ROBO1: variants seen among roughly 807,000 people sequenced by gnomAD.
The protein encoded by ROBO1 is roundabout homolog 1.
ROBO1 carries 149 observed loss-of-function variants against 195.9 expected under a neutral mutation model. That is an observed-to-expected ratio of 0.76 (90% confidence interval 0.67 to 0.87). ROBO1 has a LOEUF of 0.87. ROBO1 is among the 40% of genes least tolerant of loss of function. The pLI, the probability that ROBO1 is intolerant of heterozygous loss-of-function variation, is 0.00. For synonymous variants in ROBO1, 816 were observed against 733.2 expected, an observed-to-expected ratio of 1.11 and a Z score of -1.82; for missense variants, 1,933 against 2,068.3, an observed-to-expected ratio of 0.93 and a Z score of 1.27.
At chr3:79,581,289 A>G (rs1037334747) in intron 2 of ROBO1, among the ~76,000 whole-genome samples, 1 of 152,136 alleles carries the variant, frequency 6.6e-6, no homozygotes, top group Admixed American at 6.6e-5. Context: ...ATACCCGTCC[A>G]TATGAGGCAC....
intron 2 of ROBO1, among the ~76,000 whole-genome samples, chr3:79,332,925 G>C (rs2034504817): frequency 1.3e-5 from 2 of 152,146 alleles, no homozygotes; most frequent in Admixed American, 6.5e-5. Flanking sequence ...AATATGGCCA[G>C]GTGTGGTGGC....
intron 2 of ROBO1, among the ~76,000 whole-genome samples, chr3:79,569,147 C>A (rs972085235): frequency 6.6e-6 from 1 of 151,778 alleles, no homozygotes. Flanking sequence ...CACACACACA[C>A]GCACGATTTG....
intron 4 of ROBO1, among the ~76,000 whole-genome samples, chr3:78,778,714 G>A (rs377058027): frequency 1.2e-4 from 19 of 152,068 alleles, no homozygotes; most frequent in African/African-American, 3.4e-4. Context: ...TAGATTCAAC[G>A]GTATTCCCAT....
At chr3:79,323,162 A>T (rs1402803791) in intron 2 of ROBO1, among the ~76,000 whole-genome samples, 2 of 151,842 alleles carry the variant, frequency 1.3e-5, no homozygotes, top group Non-Finnish European at 2.9e-5. Flanking sequence ...GCTCACTGCA[A>T]CCTCTGCCTC....
intron 2 of ROBO1, among the ~76,000 whole-genome samples, chr3:79,546,334 G>A (rs1942263288): frequency 6.6e-6 from 1 of 152,074 alleles, no homozygotes; most frequent in African/African-American, 2.4e-5. Context: ...GGAGTCAAAT[G>A]TTATATGCAG....
intron 4 of ROBO1, among the ~76,000 whole-genome samples, chr3:78,930,034 C>A (rs558015907): frequency 1.2e-4 from 19 of 152,186 alleles, no homozygotes; most frequent in African/African-American, 4.6e-4. Context: ...CTTAAATATT[C>A]CAGAACGAAA....
At chr3:79,325,986 A>G (rs1317226640) in intron 2 of ROBO1, among the ~76,000 whole-genome samples, 1 of 152,120 alleles carries the variant, frequency 6.6e-6, no homozygotes, top group Non-Finnish European at 1.5e-5. Context: ...GGGTGGGTCT[A>G]TAGATGGCCC....
chr3:78,636,827 G>GAAATAAT (rs1227637857), intron 22 of ROBO1, among the ~76,000 whole-genome samples: 1 of 150,362 alleles, frequency 6.7e-6, no homozygotes, highest in Non-Finnish European at 1.5e-5. Context: ...AAATAAGCCT[G>GAAATAAT]AAATAATACT....
Position 79,153,963 on chromosome 3 carries a change from A to T in ROBO1, c.89-28424T>A, listed in dbSNP as rs113004135. ...ATAACCAAGTATCTGCTCCTTAGTGAGGCTGTCGCTAAATACCCACTCTTA... is the reference window on the plus strand; with the variant it reads ...ATAACCAAGTATCTGCTCCTTAGTGTGGCTGTCGCTAAATACCCACTCTTA... On this transcript the variant is annotated intron_variant, in intron 2 of 30. Transcript: ENST00000464233. 2.2e-3 allele frequency among the ~76,000 whole-genome samples: 338 copies of T among 151,650 alleles called. 2 individuals are homozygous for T. Among genetic ancestry groups the T allele is most frequent in the African/African-American group, 7.7e-3 (320 of 41,438 alleles).
intron 2 of ROBO1, among the ~76,000 whole-genome samples, chr3:79,309,658 G>T (rs2033389986): frequency 6.6e-6 from 1 of 151,990 alleles, no homozygotes; most frequent in Non-Finnish European, 1.5e-5. Context: ...CATGAATAAA[G>T]AGGGCCTAAT....
intron 4 of ROBO1, among the ~76,000 whole-genome samples, chr3:78,768,603 T>TAG (rs1236102947): frequency 1.3e-5 from 2 of 152,070 alleles, no homozygotes; most frequent in Admixed American, 1.3e-4. Flanking sequence ...TCAATATACA[T>TAG]AGACATGTAC....
At chr3:78,628,646 C>G (rs1222744094) in intron 25 of ROBO1, among the ~76,000 whole-genome samples, 1 of 152,200 alleles carries the variant, frequency 6.6e-6, no homozygotes, top group Non-Finnish European at 1.5e-5. Context: ...AAAGTTGATG[C>G]TCAAATAATA....
chr3:78,848,469 G>C (rs1490263909), intron 4 of ROBO1, among the ~76,000 whole-genome samples: 1 of 152,132 alleles, frequency 6.6e-6, no homozygotes, highest in Non-Finnish European at 1.5e-5. Context: ...GCACAGTAAA[G>C]GGGTAAGAAA....
intron 1 of ROBO1, among the ~76,000 whole-genome samples, chr3:79,735,851 A>T (rs892531174): frequency 1.4e-5 from 2 of 147,962 alleles, no homozygotes; most frequent in Admixed American, 1.4e-4. Context: ...AGCCTGGGCG[A>T]CAGAGAGAGA....
In ROBO1 at chr3:78,597,923, A is replaced by AAAG. The variant is rs1315999468; in HGVS notation, c.*987_*989dup. The AAAG allele has an allele frequency of 1.3e-5, 2 of 150,654 alleles. No homozygotes were observed. The highest frequency in any genetic ancestry group is 3.9e-4 in the East Asian group (2 of 5,102). The allele number at this position is 150,654 out of a possible 1,614,324, so 9.3% of individuals were successfully genotyped here. ...TTAATAGTTACAATGGTTTACAAAT[A>AAAG]AAGTTTAGTGATTGTGCTTTTAAAA... On this transcript the variant is annotated 3_prime_UTR_variant, in exon 31 of 31. Transcript: ENST00000464233.
intron 4 of ROBO1, among the ~76,000 whole-genome samples, chr3:78,807,205 G>T (rs1360407617): frequency 6.6e-6 from 1 of 152,128 alleles, no homozygotes; most frequent in East Asian, 1.9e-4. Flanking sequence ...GTAGGATCAA[G>T]AATTCTGTAA....
At chr3:78,810,654 G>GGAAAAAAAAAAAGTAATTTTTTTTAC in intron 4 of ROBO1, among the ~76,000 whole-genome samples, 1 of 151,154 alleles carries the variant, frequency 6.6e-6, no homozygotes, top group South Asian at 2.1e-4. Flanking sequence ...ATCTATTCTG[G>GGAAAAAAAAAAAGTAATTTTTTTTAC]TTCTGATTTA....
intron 3 of ROBO1, among the ~76,000 whole-genome samples, chr3:78,960,759 G>A (rs1022210947): frequency 1.3e-4 from 19 of 143,112 alleles, no homozygotes; most frequent in African/African-American, 2.9e-4. Context: ...CCTGGGCAAC[G>A]AAGCGAGACT....
At chr3:79,699,273 T>G (rs1576248766) in intron 1 of ROBO1, among the ~76,000 whole-genome samples, 1 of 151,440 alleles carries the variant, frequency 6.6e-6, no homozygotes, top group Non-Finnish European at 1.5e-5. Flanking sequence ...TGGTATGGAA[T>G]TTTTCTGAGA....
Sources: gnomAD v4.1 joint callset for allele counts (sites outside exome capture counted in the v4.1 genomes callset) on GRCh38, gnomAD v4.1.1 for gene constraint, MANE v1.5 for transcripts, NCBI Gene and HGNC (gene_info 2026-07-23, HGNC 2026-07-21) for gene names.